Variants in CADPS observed in about 807,000 individuals in gnomAD.
CADPS encodes the protein calcium dependent secretion activator, also known as calcium-dependent secretion activator 1.
CADPS carries 57 observed loss-of-function variants against 167.3 expected under a neutral mutation model. The ratio of observed to expected loss-of-function variants is 0.34; its 90% CI spans 0.28 to 0.42. The LOEUF is 0.42. Ranked by LOEUF, CADPS falls within the 20% of genes least tolerant of loss-of-function variation. The probability of loss-of-function intolerance (pLI) is 1.00; values close to 1 mark genes in which losing one functional copy is unlikely to be tolerated. For missense variants in CADPS, 1,414 were observed against 1,738.1 expected (o/e 0.81, Z 3.32); for synonymous variants, 676 against 635.3 (o/e 1.06, Z -0.96).
chr3:62,509,291 C>CA (rs756659299), intron 17 of CADPS, among the ~76,000 whole-genome samples: 2,663 of 102,962 alleles, frequency 0.026, 41 homozygotes, highest in East Asian at 0.05. Context: ...GACTCTGTCT[C>CA]AAAAAAAAAA....
At chr3:62,483,484 A>G (rs2062333596) in intron 21 of CADPS, among the ~76,000 whole-genome samples, 2 of 152,146 alleles carry the variant, frequency 1.3e-5, no homozygotes, top group African/African-American at 4.8e-5. Context: ...CAATGGCAAT[A>G]TAGCCCCAGC....
At chr3:62,457,403 A>G (rs545414568) in intron 26 of CADPS, among the ~76,000 whole-genome samples, 6 of 152,374 alleles carry the variant, frequency 3.9e-5, no homozygotes, top group African/African-American at 1.4e-4. Flanking sequence ...AGAATGAGAT[A>G]TTCAATTCTA....
chr3:62,508,833 T>G (rs982064515), intron 17 of CADPS, among the ~76,000 whole-genome samples: 9 of 152,312 alleles, frequency 5.9e-5, no homozygotes, highest in Admixed American at 4.6e-4. Flanking sequence ...TGGTTTCATA[T>G]TTGTGGGTTC....
intron 3 of CADPS, among the ~76,000 whole-genome samples, chr3:62,666,778 C>T (rs2074495447): frequency 6.6e-6 from 1 of 152,148 alleles, no homozygotes; most frequent in African/African-American, 2.4e-5. Flanking sequence ...GTCTCTAGCT[C>T]ATGGGTGGTA....
chr3:62,413,332 T>C (rs543762360), intron 28 of CADPS, among the ~76,000 whole-genome samples: 4 of 152,250 alleles, frequency 2.6e-5, no homozygotes, highest in African/African-American at 7.2e-5. Flanking sequence ...TTGATGTTCA[T>C]AGCAGCTTTA....
At chr3:62,870,393 C>T (rs947391416) in intron 1 of CADPS, among the ~76,000 whole-genome samples, 1 of 152,138 alleles carries the variant, frequency 6.6e-6, no homozygotes, top group Non-Finnish European at 1.5e-5. Flanking sequence ...CTTGCGCTCT[C>T]TCTCACACAC....
intron 1 of CADPS, among the ~76,000 whole-genome samples, chr3:62,817,263 C>G (rs2094665669): frequency 6.6e-6 from 1 of 152,122 alleles, no homozygotes; most frequent in African/African-American, 2.4e-5. Flanking sequence ...CTTGAAAGGT[C>G]AGATACACAG....
intron 4 of CADPS, among the ~76,000 whole-genome samples, chr3:62,654,904 G>T (rs533169207): frequency 1.2e-4 from 18 of 152,286 alleles, no homozygotes; most frequent in Admixed American, 1.1e-3. Context: ...AGACTGTCTT[G>T]TCAAGTGCGG....
chr3:62,746,120 C>T (rs990205724), intron 3 of CADPS, among the ~76,000 whole-genome samples: 2 of 152,130 alleles, frequency 1.3e-5, no homozygotes, highest in Non-Finnish European at 1.5e-5. Flanking sequence ...TGTTTGGATG[C>T]CTCCCACAGT....
At position 62,840,494 on chromosome 3, in the gene CADPS, A is replaced by T. The variant is rs534294037; in HGVS notation, c.441+34095T>A. ...AATGAAAACTTAGTTTTTTGAACTG[A>T]CATATGTCTATTTTTGAGGACTCTT... On this transcript the variant is annotated intron_variant, in intron 1 of 29. Transcript: ENST00000383710. Among the ~76,000 whole-genome samples the T allele has an allele frequency of 2.0e-5, 3 of 152,284 alleles. No individual in the cohort carries two copies. In the East Asian group the frequency reaches 5.8e-4, roughly 29 times the overall value.
chr3:62,405,003 G>GC (rs1273644784), intron 28 of CADPS: 1 of 151,782 alleles, frequency 6.6e-6, no homozygotes, highest in African/African-American at 2.4e-5. Flanking sequence ...TTAAGAAGGG[G>GC]CCCAGGGACA....
chr3:62,533,701 C>A (rs1365706033), intron 12 of CADPS, among the ~76,000 whole-genome samples: 3 of 152,276 alleles, frequency 2.0e-5, no homozygotes, highest in Admixed American at 6.5e-5. Flanking sequence ...GGTTGATCTA[C>A]ATACATGCCA....
chr3:62,830,265 C>T (rs1178266179), intron 1 of CADPS, among the ~76,000 whole-genome samples: 1 of 152,140 alleles, frequency 6.6e-6, no homozygotes, highest in Non-Finnish European at 1.5e-5. Context: ...CCTCCCCTAG[C>T]CCACAGCAAA....
chr3:62,563,725 TC>T (rs1265864158), intron 9 of CADPS, among the ~76,000 whole-genome samples: 1 of 151,966 alleles, frequency 6.6e-6, no homozygotes, highest in African/African-American at 2.4e-5. Flanking sequence ...CCAAAGTCCA[TC>T]GTATTATTGT....
At chr3:62,834,812 G>C (rs1015213989) in intron 1 of CADPS, among the ~76,000 whole-genome samples, 3 of 152,160 alleles carry the variant, frequency 2.0e-5, no homozygotes, top group East Asian at 3.9e-4. Flanking sequence ...TGAAGAGGAT[G>C]ATCTAATGCT....
chr3:62,700,590 C>T (rs932253921), intron 3 of CADPS, among the ~76,000 whole-genome samples: 65 of 152,164 alleles, frequency 4.3e-4, no homozygotes, highest in African/African-American at 1.5e-3. Context: ...TCATTGGTGA[C>T]ATTAAAGTGA....
chr3:62,751,147 G>A (rs1336139057), intron 3 of CADPS, among the ~76,000 whole-genome samples: 1 of 152,094 alleles, frequency 6.6e-6, no homozygotes. Context: ...TCTCTATATT[G>A]TCATAGAAAT....
chr3:62,632,155 A>G (rs1351786851), intron 6 of CADPS, among the ~76,000 whole-genome samples: 1 of 152,232 alleles, frequency 6.6e-6, no homozygotes, highest in Non-Finnish European at 1.5e-5. Context: ...ATACGAGGTT[A>G]TCTATCATAT....
intron 22 of CADPS, among the ~76,000 whole-genome samples, chr3:62,481,514 A>G (rs1367694377): frequency 6.6e-6 from 1 of 152,222 alleles, no homozygotes; most frequent in Non-Finnish European, 1.5e-5. Context: ...AGTGGGCGTA[A>G]GACAAATTGT....
Sources: allele counts gnomAD v4.1 joint callset (sites outside exome capture counted in the v4.1 genomes callset), GRCh38; gene constraint gnomAD v4.1.1; transcripts MANE v1.5; gene names NCBI Gene and HGNC (gene_info 2026-07-23, HGNC 2026-07-21).